The following TMEM215 variants were observed in gnomAD, a reference collection of about 807,000 sequenced individuals.
TMEM215 encodes transmembrane protein 215.
TMEM215 carries 12 observed loss-of-function variants against 14.7 expected under a neutral mutation model. The observed-to-expected ratio is 0.82, with a 90% confidence interval of 0.52 to 1.33. TMEM215 has a LOEUF of 1.33. Among genes scored for constraint, TMEM215 ranks in the 40% most tolerant of loss-of-function variants. TMEM215 has a pLI of 0.00. For missense variants in TMEM215, 276 were observed against 296.2 expected, an observed-to-expected ratio of 0.93 and a Z score of 0.50; for synonymous variants, 122 against 124.8, an observed-to-expected ratio of 0.98 and a Z score of 0.15.
Position 32,788,968 on chromosome 9 carries a change from G to C in TMEM215, c.*4077G>C, listed in dbSNP as rs56081110. The stretch of plus-strand genomic sequence containing the variant: ...ATAATGACTTTGTAATATGCCAAAA[G>C]CATTTTCTTAAAGTACCTCATCATA... On this transcript the variant is annotated 3_prime_UTR_variant, in exon 2 of 2. Coordinates refer to ENST00000342743, the MANE Select transcript of TMEM215 (RefSeq NM_212558.3). Among the ~76,000 whole-genome samples the C allele has an allele frequency of 8.7e-3, 1,322 of 152,212 alleles. 26 individuals carry two copies. Among genetic ancestry groups the C allele is most frequent in the African/African-American group, 0.03 (1,255 of 41,514 alleles).
rs1824493064 is a variant in TMEM215, at chr9:32,785,165, G to A, written c.*274G>A. The stretch of plus-strand genomic sequence containing the variant: ...CTTAACAATTTACACAATGTTAAAT[G>A]TTTTGTAAAATAACCCAAAAAGTGC... On this transcript the variant is annotated 3_prime_UTR_variant, in exon 2 of 2. Coordinates refer to ENST00000342743, the MANE Select transcript of TMEM215 (RefSeq NM_212558.3). 1 of 394,702 alleles carries A rather than the reference G, an allele frequency of 2.5e-6. No homozygotes were observed. 24.4% of individuals were successfully genotyped at this position (394,702 alleles called of 1,614,324 possible).
rs1824477691 is a variant in TMEM215 at position 32,784,370 on chromosome 9, A to AC, written c.189dup (p.Glu64ArgfsTer47). The AC allele has an allele frequency of 6.2e-7, 1 of 1,614,016 alleles. No individual in the cohort carries two copies. Reference sequence around the variant, plus strand: ...CGCAGCCATTGCCCTGGCCAGGAAAACCGAGGGATGCACCAAGTGGCCAGA... The same window carrying AC: ...CGCAGCCATTGCCCTGGCCAGGAAAACCCGAGGGATGCACCAAGTGGCCAGA... On this transcript the variant is annotated frameshift_variant, in exon 2 of 2. Coordinates refer to ENST00000342743, the MANE Select transcript of TMEM215 (RefSeq NM_212558.3). LOFTEE classifies it high-confidence loss of function.
rs1824472148 is a variant in TMEM215 at position 32,784,115 on chromosome 9, A to G, written c.-58-11A>G. On this transcript the variant is annotated splice_polypyrimidine_tract_variant and intron_variant, in intron 1 of 1. Transcript: ENST00000342743. The stretch of plus-strand genomic sequence containing the variant: ...TTTTTTTTTAACGCACTGTGGTTTC[A>G]TCTCTGACAGAATAGAGGAACGCTG... 1.4e-6 allele frequency: 2 copies of G among 1,470,260 alleles called. No individual in the cohort carries two copies. The highest frequency in any genetic ancestry group is 1.8e-6 in the Non-Finnish European group (2 of 1,084,296). 91.1% of individuals were successfully genotyped at this position (1,470,260 alleles called of 1,614,324 possible).
Position 32,783,819 on chromosome 9 carries a change from C to T in TMEM215, c.-59+14C>T, listed in dbSNP as rs1423647630. 5.0e-6 allele frequency: 1 copy of T among 198,786 alleles called. No individual in the cohort carries two copies. The highest frequency in any genetic ancestry group is 1.0e-5 in the Non-Finnish European group (1 of 98,640). 12.3% of individuals were successfully genotyped at this position (198,786 alleles called of 1,614,324 possible). A position where few individuals can be genotyped will look rare whatever the true frequency, so the allele number is the denominator to read the frequency against. On this transcript the variant is annotated intron_variant, in intron 1 of 1. Coordinates refer to ENST00000342743, the MANE Select transcript of TMEM215 (RefSeq NM_212558.3). Reference sequence around the variant, plus strand: ...AGGAAACCTCAGGTACCTCGTTGACCCCAGCCGGAGCGTGTTGATATGAGA... The same window carrying T: ...AGGAAACCTCAGGTACCTCGTTGACTCCAGCCGGAGCGTGTTGATATGAGA...
At chr9:32,784,049 A>G in intron 1 of TMEM215, 77 bp from the exon 2 acceptor site, 1 of 776,978 alleles carries the variant, frequency 1.3e-6, no homozygotes, top group Non-Finnish European at 2.1e-6. Context: ...GACAAAGGGC[A>G]AGAGAAAGAC....
chr9:32,787,654 G>C lies in TMEM215; in HGVS notation c.*2763G>C, dbSNP rs1236624368. Among the ~76,000 whole-genome samples the C allele has an allele frequency of 6.6e-6, 1 of 152,026 alleles. No homozygotes were observed. The highest frequency in any genetic ancestry group is 1.5e-5 in the Non-Finnish European group (1 of 67,954). ...AAAAAAAGTGTCTCAGCCCTTTAGA[G>C]GAAAAGAGAGCAACTCATTCTGATG... On this transcript the variant is annotated 3_prime_UTR_variant, in exon 2 of 2. Coordinates refer to ENST00000342743, the MANE Select transcript of TMEM215 (RefSeq NM_212558.3).
In TMEM215 at chr9:32,784,418, A is replaced by G. The variant is rs1381591321; in HGVS notation, c.235A>G (p.Lys79Glu). ...AGAGAACGAGCTGCTGTGGGTCCGC[A>G]AATTGCCCTGCTTCCGGAAACCCAA... ...WPENELLWVRKLPCFRKPKDK... is the reference protein window; with the variant it reads ...WPENELLWVRELPCFRKPKDK... The change falls in exon 2 of 2, where the codon AAA becomes GAA. Residue 79 changes from lysine (K) to glutamate (E), a missense_variant. Transcript: ENST00000342743. The G allele has an allele frequency of 2.5e-6, 4 of 1,614,090 alleles. No homozygotes were observed. The highest frequency in any genetic ancestry group is 1.3e-5 in the African/African-American group (1 of 74,942).
chr9:32,788,866 A>T lies in TMEM215; in HGVS notation c.*3975A>T, dbSNP rs1461436073. On this transcript the variant is annotated 3_prime_UTR_variant, in exon 2 of 2. Coordinates refer to ENST00000342743, the MANE Select transcript of TMEM215 (RefSeq NM_212558.3). Reference sequence around the variant, plus strand: ...CTAAGATACCAGTGGTGTGTTTCTCACAATTAGATTACAGTGGTGTCAGTC... The same window carrying T: ...CTAAGATACCAGTGGTGTGTTTCTCTCAATTAGATTACAGTGGTGTCAGTC... Among the ~76,000 whole-genome samples, 1 of 152,236 alleles carries T rather than the reference A, an allele frequency of 6.6e-6. No homozygotes were observed. The highest frequency in any genetic ancestry group is 1.5e-5 in the Non-Finnish European group (1 of 68,034).
rs1294454954 is a variant in TMEM215 at position 32,788,681 on chromosome 9, G to T, written c.*3790G>T. ...TGGATGAGAGAGAGGAGGCAGAAATGTGTAAATGAATGGAACTCTCCATAT... is the reference window on the plus strand; with the variant it reads ...TGGATGAGAGAGAGGAGGCAGAAATTTGTAAATGAATGGAACTCTCCATAT... On this transcript the variant is annotated 3_prime_UTR_variant, in exon 2 of 2. Coordinates refer to ENST00000342743, the MANE Select transcript of TMEM215 (RefSeq NM_212558.3). Among the ~76,000 whole-genome samples the T allele has an allele frequency of 6.6e-6, 1 of 152,212 alleles. No homozygotes were observed. Among genetic ancestry groups the T allele is most frequent in the Non-Finnish European group, 1.5e-5 (1 of 68,038 alleles).
In TMEM215 at chr9:32,784,123, C is replaced by G; in HGVS notation, c.-58-3C>G. On this transcript the variant is annotated splice_region_variant and splice_polypyrimidine_tract_variant and intron_variant, in intron 1 of 1. Coordinates refer to ENST00000342743, the MANE Select transcript of TMEM215 (RefSeq NM_212558.3). Reference sequence around the variant, plus strand: ...TAACGCACTGTGGTTTCATCTCTGACAGAATAGAGGAACGCTGCTCCCTGG... The same window carrying G: ...TAACGCACTGTGGTTTCATCTCTGAGAGAATAGAGGAACGCTGCTCCCTGG... 6.7e-7 allele frequency: 1 copy of G among 1,499,588 alleles called. No individual in the cohort carries two copies. The highest frequency in any genetic ancestry group is 9.0e-7 in the Non-Finnish European group (1 of 1,108,074). The allele number at this position is 1,499,588 out of a possible 1,614,324, so 92.9% of individuals were successfully genotyped here. A position where few individuals can be genotyped will look rare whatever the true frequency, so the allele number is the denominator to read the frequency against.
At position 32,786,028 on chromosome 9, in the gene TMEM215, G is replaced by A. The variant is rs1419909958; in HGVS notation, c.*1137G>A. On this transcript the variant is annotated 3_prime_UTR_variant, in exon 2 of 2. Coordinates refer to ENST00000342743, the MANE Select transcript of TMEM215 (RefSeq NM_212558.3). The stretch of plus-strand genomic sequence containing the variant: ...GATCAGTGAACATTACATGATAAAA[G>A]TCTCTTTATTTCATACATTTTTGCT... 1 of 166,920 alleles carries A rather than the reference G, an allele frequency of 6.0e-6. No homozygotes were observed. The highest frequency in any genetic ancestry group is 1.5e-5 in the Non-Finnish European group (1 of 68,066). 10.3% of individuals were successfully genotyped at this position (166,920 alleles called of 1,614,324 possible).
At chr9:32,784,030 C>A in intron 1 of TMEM215, 96 bp from the exon 2 acceptor site, 1 of 662,124 alleles carries the variant, frequency 1.5e-6, no homozygotes, top group South Asian at 2.0e-5. Flanking sequence ...AGTCAAGAAG[C>A]AAGTCGGAGA....
At position 32,786,324 on chromosome 9, in the gene TMEM215, T is replaced by C. The variant is rs1000403763; in HGVS notation, c.*1433T>C. 1 of 167,038 alleles carries C rather than the reference T, an allele frequency of 6.0e-6. No individual in the cohort carries two copies. Among genetic ancestry groups the C allele is most frequent in the Non-Finnish European group, 1.5e-5 (1 of 68,082 alleles). 10.3% of individuals were successfully genotyped at this position (167,038 alleles called of 1,614,324 possible). On this transcript the variant is annotated 3_prime_UTR_variant, in exon 2 of 2. Transcript: ENST00000342743. ...GAGGACAAAAATTTGGGCATATATG[T>C]TTTGTGTATTTCAATTCCAACTCTG...
In TMEM215 at chr9:32,784,234, C is replaced by T. The variant is rs911432607; in HGVS notation, c.51C>T (p.Val17=). 12 of 1,614,110 alleles carry T rather than the reference C, an allele frequency of 7.4e-6. No homozygotes were observed. Among genetic ancestry groups the T allele is most frequent in the Non-Finnish European group, 1.0e-5 (12 of 1,180,010 alleles). The change falls in exon 2 of 2, where the codon GTC becomes GTT. Residue 17 remains valine, a synonymous_variant. Coordinates refer to ENST00000342743, the MANE Select transcript of TMEM215 (RefSeq NM_212558.3). ...GGACTGGGCTGGTGGTGGCCCTGGT[C>T]AGTGTCTTCCTCGTCTTTGGTTTCA... The part of the protein sequence containing the change: ...NPRTGLVVAL[V]SVFLVFGFMF...
chr9:32,784,586 A>C lies in TMEM215; in HGVS notation c.403A>C (p.Ile135Leu), dbSNP rs1007252249. ...GGGTGAGGTGTCCGTGGCCAGCTCC[A>C]TCAACAGCCCCACACCCACGGAGGA... is the stretch of plus-strand genomic sequence containing the variant. Reference protein sequence around the residue: ...SQGEVSVASSINSPTPTEEGE... With the variant: ...SQGEVSVASSLNSPTPTEEGE... The change falls in exon 2 of 2, where the codon ATC becomes CTC. Residue 135 changes from isoleucine to leucine, a missense_variant. Coordinates refer to ENST00000342743, the MANE Select transcript of TMEM215 (RefSeq NM_212558.3). 6.2e-7 allele frequency: 1 copy of C among 1,613,514 alleles called. No homozygotes were observed. Among genetic ancestry groups the C allele is most frequent in the Non-Finnish European group, 8.5e-7 (1 of 1,179,894 alleles).
chr9:32,785,197 G>A lies in TMEM215; in HGVS notation c.*306G>A, dbSNP rs1824493661. 3.4e-6 allele frequency: 1 copy of A among 293,628 alleles called. No homozygotes were observed. The highest frequency in any genetic ancestry group is 2.2e-5 in the African/African-American group (1 of 45,868). The allele number at this position is 293,628 out of a possible 1,614,324, so 18.2% of individuals were successfully genotyped here. ...AAAATAACCCAAAAAGTGCTATCCAGAACCAGCTGAGAGCAAGATAAATCT... is the reference window on the plus strand; with the variant it reads ...AAAATAACCCAAAAAGTGCTATCCAAAACCAGCTGAGAGCAAGATAAATCT... On this transcript the variant is annotated 3_prime_UTR_variant, in exon 2 of 2. Transcript: ENST00000342743.
rs214130 is a variant in TMEM215 at position 32,787,722 on chromosome 9, C to T, written c.*2831C>T. Among the ~76,000 whole-genome samples the T allele has an allele frequency of 0.82, 125,048 of 151,950 alleles. 51,687 individuals are homozygous for T. The highest frequency in any genetic ancestry group is 0.99 in the East Asian group (5,130 of 5,178). The stretch of plus-strand genomic sequence containing the variant: ...AAATTGTTCTTATCAATATAATAGA[C>T]ATGAGGATTGTTCCTGGTAGCCTTC... On this transcript the variant is annotated 3_prime_UTR_variant, in exon 2 of 2. Coordinates refer to ENST00000342743, the MANE Select transcript of TMEM215 (RefSeq NM_212558.3).
rs12375613 is a variant in TMEM215 at position 32,788,766 on chromosome 9, G to C, written c.*3875G>C. 6.6e-6 allele frequency among the ~76,000 whole-genome samples: 1 copy of C among 152,300 alleles called. No individual in the cohort carries two copies. Among genetic ancestry groups the C allele is most frequent in the Non-Finnish European group, 1.5e-5 (1 of 68,022 alleles). On this transcript the variant is annotated 3_prime_UTR_variant, in exon 2 of 2. Coordinates refer to ENST00000342743, the MANE Select transcript of TMEM215 (RefSeq NM_212558.3). ...TAAGACCCAGGGTGGGAAACAAAAC[G>C]ATGCTTCTTCCAAAAGATCCTCCCA... is the stretch of plus-strand genomic sequence containing the variant.
At position 32,784,710 on chromosome 9, in the gene TMEM215, C is replaced by T. The variant is rs767394895; in HGVS notation, c.527C>T (p.Ala176Val). The T allele has an allele frequency of 6.2e-7, 1 of 1,614,086 alleles. No individual in the cohort carries two copies. Among genetic ancestry groups the T allele is most frequent in the Admixed American group, 1.7e-5 (1 of 59,998 alleles). The change falls in exon 2 of 2, where the codon GCC becomes GTC. Residue 176 changes from alanine (A) to valine (V), a missense_variant. Transcript: ENST00000342743. ...TCGGGCAGTTCCCTCACCTACAGTG[C>T]CTTGGACGTCAAGTGCTCAGCAAGG... ...CPSGSSLTYS[A>V]LDVKCSARDR...
Sources: allele counts gnomAD v4.1 joint callset (sites outside exome capture counted in the v4.1 genomes callset), GRCh38; gene constraint gnomAD v4.1.1; transcripts MANE v1.5; gene names NCBI Gene and HGNC (gene_info 2026-07-23, HGNC 2026-07-21).